TMTC2: variants seen among roughly 807,000 people sequenced by gnomAD.
TMTC2 encodes protein O-mannosyl-transferase TMTC2.
TMTC2 carries 43 observed loss-of-function variants against 82.4 expected under a neutral mutation model. That is an observed-to-expected ratio of 0.52 (90% CI 0.41 to 0.67). TMTC2 has a LOEUF of 0.67. TMTC2 is among the 30% of genes least tolerant of loss of function. TMTC2 has a pLI of 0.00. For missense variants in TMTC2, 919 were observed against 1,012.4 expected (o/e 0.91, Z 1.25); for synonymous variants, 408 against 381.9 (o/e 1.07, Z -0.80).
intron 1 of TMTC2, among the ~76,000 whole-genome samples, chr12:82,731,992 C>G (rs1874836095): frequency 6.6e-6 from 1 of 152,078 alleles, no homozygotes; most frequent in Non-Finnish European, 1.5e-5. Flanking sequence ...TTCCTGTTAA[C>G]GAGGGATGAT....
At chr12:83,027,534 G>A (rs74827046) in intron 8 of TMTC2, among the ~76,000 whole-genome samples, 1,641 of 152,170 alleles carry the variant, frequency 0.011, 31 homozygotes, top group African/African-American at 0.037. Flanking sequence ...AAATGATTTC[G>A]TCATATGTCA....
intron 11 of TMTC2, among the ~76,000 whole-genome samples, chr12:83,088,595 C>G (rs746232661): frequency 7.9e-5 from 12 of 152,014 alleles, no homozygotes; most frequent in Non-Finnish European, 1.8e-4. Flanking sequence ...TGGGGAGGCC[C>G]GAGGAGAAGG....
chr12:82,876,670 A>G (rs1361611882), intron 2 of TMTC2, among the ~76,000 whole-genome samples: 1 of 152,200 alleles, frequency 6.6e-6, no homozygotes, highest in Non-Finnish European at 1.5e-5. Flanking sequence ...CTTTTTAAGT[A>G]TAACTTTATA....
chr12:83,108,998 T>A (rs950453931), intron 11 of TMTC2, among the ~76,000 whole-genome samples: 1 of 152,198 alleles, frequency 6.6e-6, no homozygotes, highest in Admixed American at 6.5e-5. Flanking sequence ...CCATTTGTTC[T>A]CCCTAAAAGG....
intron 1 of TMTC2, among the ~76,000 whole-genome samples, chr12:82,693,573 C>T (rs1421655532): frequency 6.6e-6 from 1 of 152,202 alleles, no homozygotes; most frequent in African/African-American, 2.4e-5. Context: ...CAAAAAGATG[C>T]AGCTCTTCTA....
chr12:83,061,950 T>C (rs1882762505), intron 11 of TMTC2, 119 bp downstream of exon 11: 2 of 709,886 alleles, frequency 2.8e-6, no homozygotes, highest in Non-Finnish European at 4.4e-6. Flanking sequence ...TTGTTTTTTC[T>C]TTCTCCCTTT....
chr12:83,056,663 AT>A (rs1045851162), intron 10 of TMTC2, among the ~76,000 whole-genome samples: 132 of 152,068 alleles, frequency 8.7e-4, no homozygotes, highest in African/African-American at 3.2e-3. Context: ...CCTCTGGACC[AT>A]ACATTTTCTT....
intron 1 of TMTC2, among the ~76,000 whole-genome samples, chr12:82,768,600 GT>G (rs1014468443): frequency 7.2e-5 from 11 of 151,890 alleles, no homozygotes; most frequent in Non-Finnish European, 1.2e-4. Flanking sequence ...AGTGAGTCTG[GT>G]TTTTTCGACT....
chr12:83,034,639 G>A (rs975166189), intron 9 of TMTC2, among the ~76,000 whole-genome samples: 1 of 152,200 alleles, frequency 6.6e-6, no homozygotes, highest in Non-Finnish European at 1.5e-5. Flanking sequence ...TTGTGGGAAT[G>A]TAAATATTTA....
intron 1 of TMTC2, among the ~76,000 whole-genome samples, chr12:82,689,738 AG>A (rs1872496284): frequency 1.3e-5 from 2 of 152,206 alleles, no homozygotes; most frequent in African/African-American, 4.8e-5. Flanking sequence ...TAAGTTTTTC[AG>A]ATGCAATAGT....
chr12:83,022,095 CA>C (rs532587529), intron 8 of TMTC2: 10 of 93,332 alleles, frequency 1.1e-4, no homozygotes, highest in South Asian at 4.9e-4. Flanking sequence ...TTTTCACTAC[CA>C]AAAAAAAAAG....
intron 4 of TMTC2, among the ~76,000 whole-genome samples, chr12:82,951,837 A>G (rs886668185): frequency 6.6e-6 from 1 of 152,168 alleles, no homozygotes; most frequent in Non-Finnish European, 1.5e-5. Context: ...GTGCTTTTCT[A>G]TCCAAAACAC....
At chr12:83,023,270 G>A (rs371816867) in intron 8 of TMTC2, among the ~76,000 whole-genome samples, 4 of 152,252 alleles carry the variant, frequency 2.6e-5, no homozygotes, top group East Asian at 1.9e-4. Context: ...TAGGTAAACC[G>A]AATACATGTT....
chr12:83,098,155 C>T (rs752864485), intron 11 of TMTC2, among the ~76,000 whole-genome samples: 3 of 152,066 alleles, frequency 2.0e-5, no homozygotes, highest in Non-Finnish European at 2.9e-5. Context: ...ATGGTTTGGT[C>T]CTACCCACAG....
intron 1 of TMTC2, among the ~76,000 whole-genome samples, chr12:82,758,084 C>T (rs778272923): frequency 2.0e-5 from 3 of 152,002 alleles, no homozygotes; most frequent in Non-Finnish European, 4.4e-5. Flanking sequence ...ATAAATTTTA[C>T]CTTATTTTAT....
chr12:82,899,652 A>AATATATATGTGGAAT (rs1565800085), intron 3 of TMTC2, among the ~76,000 whole-genome samples: 84 of 140,438 alleles, frequency 6.0e-4, no homozygotes, highest in African/African-American at 2.2e-3. Context: ...TATATATAAG[A>AATATATATGTGGAAT]ATATATATAT....
At chr12:83,072,613 C>G (rs1209894145) in intron 11 of TMTC2, among the ~76,000 whole-genome samples, 1 of 152,092 alleles carries the variant, frequency 6.6e-6, no homozygotes, top group African/African-American at 2.4e-5. Context: ...TTGAAGTCCC[C>G]CACTATTACT....
intron 4 of TMTC2, among the ~76,000 whole-genome samples, chr12:82,961,091 G>A (rs557972362): frequency 2.6e-5 from 4 of 151,524 alleles, no homozygotes; most frequent in Non-Finnish European, 5.9e-5. Flanking sequence ...GCAAAATGAA[G>A]AAAGTAATAA....
intron 2 of TMTC2, among the ~76,000 whole-genome samples, chr12:82,891,919 A>T (rs1873417729): frequency 6.6e-6 from 1 of 152,156 alleles, no homozygotes; most frequent in Admixed American, 6.5e-5. Flanking sequence ...CACCATCTTC[A>T]AAAAAATACA....
Sources: allele counts gnomAD v4.1 joint callset (sites outside exome capture counted in the v4.1 genomes callset), GRCh38; gene constraint gnomAD v4.1.1; transcripts MANE v1.5; gene names NCBI Gene and HGNC (gene_info 2026-07-23, HGNC 2026-07-21).